The following SLC17A1 variants were observed in gnomAD, a reference collection of about 807,000 sequenced individuals.
SLC17A1 encodes sodium-dependent phosphate transport protein 1.
SLC17A1 carries 51 observed loss-of-function variants against 53.5 expected under a neutral mutation model. The ratio of observed to expected loss-of-function variants is 0.95; its 90% CI spans 0.76 to 1.20. The LOEUF (loss-of-function observed/expected upper bound fraction) is 1.20, where lower values mean the gene tolerates loss of function less well. Among genes scored for constraint, SLC17A1 ranks in the 50% most tolerant of loss-of-function variants. SLC17A1 has a pLI of 0.00. For missense variants in SLC17A1, 538 were observed against 568.2 expected (o/e 0.95, Z 0.54); for synonymous variants, 179 against 198.8 (o/e 0.90, Z 0.84).
At chr6:25,771,139 A>G in the SLC17A1 span, 5 of 738,634 alleles carry the variant, frequency 6.8e-6, no homozygotes, top group Non-Finnish European at 1.2e-5. Flanking sequence ...TTCAGAGCCA[A>G]CTACATTTAA....
At chr6:25,801,092 C>A (rs1763744585) in intron 10 of SLC17A1, 112 bp from the exon 11 acceptor site, 2 of 648,732 alleles carry the variant, frequency 3.1e-6, no homozygotes, top group East Asian at 2.7e-5. Flanking sequence ...CAAGTTCCTG[C>A]TTCTCAAATT....
the SLC17A1 span, chr6:25,771,063 G>A: frequency 4.2e-6 from 6 of 1,418,994 alleles, no homozygotes; most frequent in South Asian, 3.4e-5. Flanking sequence ...CTTCTGTGAT[G>A]CAATTTATCT....
chr6:25,829,992 T>G (rs1053634866), intron 2 of SLC17A1, among the ~76,000 whole-genome samples: 3 of 152,206 alleles, frequency 2.0e-5, no homozygotes, highest in East Asian at 3.8e-4. Context: ...AACTTTTTCA[T>G]AAGTTGAAAA....
At chr6:25,734,547 G>T in the SLC17A1 span, among the ~76,000 whole-genome samples, 2 of 152,148 alleles carry the variant, frequency 1.3e-5, no homozygotes, top group African/African-American at 4.8e-5. Context: ...ACTAAGTGCA[G>T]CACATTCTCA....
At chr6:25,811,330 T>C in intron 10 of SLC17A1, 68 bp downstream of exon 10, 10 of 1,469,908 alleles carry the variant, frequency 6.8e-6, no homozygotes, top group Non-Finnish European at 9.2e-6. Flanking sequence ...ATCATCATGT[T>C]GTGCACAATA....
chr6:25,769,275 A>G, the SLC17A1 span: 1 of 1,261,270 alleles, frequency 7.9e-7, no homozygotes, highest in African/African-American at 1.5e-5. Context: ...TCATTTAACC[A>G]CTAAGTATTT....
the SLC17A1 span, among the ~76,000 whole-genome samples, chr6:25,759,342 TTGTTTCTTTGC>T: frequency 2.6e-5 from 4 of 152,196 alleles, no homozygotes; most frequent in Admixed American, 2.6e-4. Flanking sequence ...TTTAAGTCCA[TTGTTTCTTTGC>T]TGACTTTCTG....
downstream of SLC17A1, chr6:25,778,098 C>A: frequency 1.0e-6 from 1 of 965,958 alleles, no homozygotes. Context: ...GCCTTGTATC[C>A]TAGAAGATGC....
At chr6:25,753,216 A>G in the SLC17A1 span, among the ~76,000 whole-genome samples, 5 of 152,282 alleles carry the variant, frequency 3.3e-5, no homozygotes, top group African/African-American at 1.2e-4. Context: ...CACTGACAGG[A>G]GGAACTGCAA....
the SLC17A1 span, chr6:25,726,804 T>G: frequency 1.5e-6 from 2 of 1,366,386 alleles, no homozygotes; most frequent in Admixed American, 2.3e-5. Context: ...GACTTGGAGC[T>G]GAGGTCATTT....
At position 25,830,544 on chromosome 6, in the gene SLC17A1, T is replaced by G. The variant is rs745995779; in HGVS notation, c.14A>C (p.Asn5Thr). 2 of 1,613,724 alleles carry G rather than the reference T, an allele frequency of 1.2e-6. No homozygotes were observed. The highest frequency in any genetic ancestry group is 8.5e-7 in the Non-Finnish European group (1 of 1,179,674). MQMD[N>T]RLPPKKVPGF... Reference sequence around the variant, plus strand: ...GCTACCTTTTTTGGGAGGCAACCGGTTATCCATTTGCATACACGGCTGAAG... The same window carrying G: ...GCTACCTTTTTTGGGAGGCAACCGGGTATCCATTTGCATACACGGCTGAAG... The change falls in exon 2 of 13, where the codon AAC becomes ACC. Residue 5 changes from asparagine to threonine, a missense_variant. By Grantham distance (65) the Asn-to-Thr change is moderately conservative. Transcript: ENST00000244527.
At chr6:25,759,382 T>C in the SLC17A1 span, among the ~76,000 whole-genome samples, 17 of 152,198 alleles carry the variant, frequency 1.1e-4, no homozygotes, top group African/African-American at 4.1e-4. Flanking sequence ...ACCTGTCTAG[T>C]GCTGTCTGTG....
Position 25,826,603 on chromosome 6 carries a change from A to G in SLC17A1, c.65T>C (p.Leu22Ser), listed in dbSNP as rs370150787. 1 of 1,589,286 alleles carries G rather than the reference A, an allele frequency of 6.3e-7. No homozygotes were observed. Among genetic ancestry groups the G allele is most frequent in the Admixed American group, 1.7e-5 (1 of 57,216 alleles). The change falls in exon 3 of 13, where the codon TTG (leucine) becomes TCG (serine). Residue 22 changes from leucine (L) to serine (S), a missense_variant. Transcript: ENST00000244527. ...VPGFCSFRYG[L>S]SFLVHCCNVI... ...ATTACAACAGTGCACAAGGAAAGACAATCCATAGCGAAAGGAACAGAAACC... is the reference window on the plus strand; with the variant it reads ...ATTACAACAGTGCACAAGGAAAGACGATCCATAGCGAAAGGAACAGAAACC...
chr6:25,756,915 G>A, the SLC17A1 span, among the ~76,000 whole-genome samples: 2 of 152,188 alleles, frequency 1.3e-5, no homozygotes, highest in Non-Finnish European at 2.9e-5. Flanking sequence ...TAGTTCTTGT[G>A]ACTGATATGA....
At chr6:25,765,845 T>C in the SLC17A1 span, among the ~76,000 whole-genome samples, 1 of 152,008 alleles carries the variant, frequency 6.6e-6, no homozygotes, top group African/African-American at 2.4e-5. Flanking sequence ...TAATGTGAAC[T>C]CAAATCATGA....
chr6:25,800,727 G>A (rs45445093), intron 11 of SLC17A1, among the ~76,000 whole-genome samples, 163 bp downstream of exon 11: 1 of 152,146 alleles, frequency 6.6e-6, no homozygotes, highest in Admixed American at 6.5e-5. Context: ...TGCATTATTT[G>A]TAGATTTGGA....
At chr6:25,758,239 C>G in the SLC17A1 span, among the ~76,000 whole-genome samples, 2 of 152,204 alleles carry the variant, frequency 1.3e-5, no homozygotes, top group Non-Finnish European at 2.9e-5. Flanking sequence ...TATAATTTGA[C>G]TTGAAGTGAC....
At chr6:25,787,049 T>TAAAC (rs531536983) in intron 12 of SLC17A1, among the ~76,000 whole-genome samples, 1 of 148,662 alleles carries the variant, frequency 6.7e-6, no homozygotes, top group Non-Finnish European at 1.5e-5. Flanking sequence ...AGGAAATAAA[T>TAAAC]AAATAAATAA....
At chr6:25,785,552 C>G (rs1008032055) in intron 12 of SLC17A1, among the ~76,000 whole-genome samples, 1 of 152,046 alleles carries the variant, frequency 6.6e-6, no homozygotes, top group Non-Finnish European at 1.5e-5. Flanking sequence ...ACCTATAAAA[C>G]GGGAGAAACA....
Sources: gnomAD v4.1 joint callset for allele counts (sites outside exome capture counted in the v4.1 genomes callset) on GRCh38, gnomAD v4.1.1 for gene constraint, MANE v1.5 for transcripts, NCBI Gene and HGNC (gene_info 2026-07-23, HGNC 2026-07-21) for gene names.